QRICH1: variants seen among roughly 807,000 people sequenced by gnomAD.
QRICH1 encodes the protein glutamine rich 1.
Under a neutral mutation model 87.1 loss-of-function variants are expected in QRICH1, and 16 were observed. The ratio of observed to expected loss-of-function variants is 0.18; its 90% confidence interval spans 0.12 to 0.28. The LOEUF (loss-of-function observed/expected upper bound fraction) is 0.28. Ranked by LOEUF, QRICH1 falls within the 10% of genes least tolerant of loss-of-function variation. The pLI, the probability that QRICH1 is intolerant of heterozygous loss-of-function variation, is 1.00. For synonymous variants in QRICH1, 367 were observed against 368.4 expected (o/e 1.00, Z 0.05); for missense variants, 647 against 951.7 (o/e 0.68, Z 4.21).
chr3:49,030,162 C>T lies in QRICH1; in HGVS notation c.*290G>A. 2.0e-6 allele frequency: 1 copy of T among 500,958 alleles called. No individual in the cohort carries two copies. Among genetic ancestry groups the T allele is most frequent in the Non-Finnish European group, 3.5e-6 (1 of 286,120 alleles). The allele number at this position is 500,958 out of a possible 1,614,324, so 31.0% of individuals were successfully genotyped here. ...AGGGGCCACATTTCTTTTCACAGTCCAAGCCCTTTCCCCAGGCCCCAGACA... is the reference window on the plus strand; with the variant it reads ...AGGGGCCACATTTCTTTTCACAGTCTAAGCCCTTTCCCCAGGCCCCAGACA... On this transcript the variant is annotated 3_prime_UTR_variant, in exon 10 of 10. Coordinates refer to ENST00000395443, the MANE Select transcript of QRICH1 (RefSeq NM_198880.3).
At chr3:49,082,711 C>T (rs1231235110) in intron 1 of QRICH1, among the ~76,000 whole-genome samples, 2 of 150,694 alleles carry the variant, frequency 1.3e-5, no homozygotes, top group Non-Finnish European at 3.0e-5. Context: ...CTGGCTAACA[C>T]GGTGAAACCC....
chr3:49,048,130 CTTTT>C (rs34861445), intron 3 of QRICH1, among the ~76,000 whole-genome samples: 5 of 142,104 alleles, frequency 3.5e-5, no homozygotes, highest in Non-Finnish European at 6.1e-5. Context: ...TTCTTTCTTT[CTTTT>C]TTTTTTTTTT....
chr3:49,074,898 G>C (rs1486984321), intron 2 of QRICH1, among the ~76,000 whole-genome samples: 1 of 152,010 alleles, frequency 6.6e-6, no homozygotes, highest in African/African-American at 2.4e-5. Flanking sequence ...AGAATGGCGT[G>C]AACCTGGGAG....
At chr3:49,051,989 T>C (rs557204325) in intron 3 of QRICH1, among the ~76,000 whole-genome samples, 210 of 152,230 alleles carry the variant, frequency 1.4e-3, no homozygotes, top group African/African-American at 4.9e-3. Context: ...TACATTGTGG[T>C]GTAAATTTGT....
In QRICH1 at chr3:49,033,239, T is replaced by C. The variant is rs766262466; in HGVS notation, c.1787-11A>G. 5 of 1,500,032 alleles carry C rather than the reference T, an allele frequency of 3.3e-6. No homozygotes were observed. Among genetic ancestry groups the C allele is most frequent in the African/African-American group, 1.4e-5 (1 of 70,658 alleles). 92.9% of individuals were successfully genotyped at this position (1,500,032 alleles called of 1,614,324 possible). A position where few individuals can be genotyped will look rare whatever the true frequency, so the allele number is the denominator to read the frequency against. ...TGGGCAAGACATAGCCTAGGAGGAA[T>C]AGAGTACTGTCACAACAAGAGGATG... is the stretch of plus-strand genomic sequence containing the variant. On this transcript the variant is annotated splice_polypyrimidine_tract_variant and intron_variant, in intron 6 of 9. Coordinates refer to ENST00000395443, the MANE Select transcript of QRICH1 (RefSeq NM_198880.3).
At chr3:49,077,422 G>A (rs1428568471) in intron 1 of QRICH1, among the ~76,000 whole-genome samples, 1 of 152,166 alleles carries the variant, frequency 6.6e-6, no homozygotes. Flanking sequence ...AAGCAAGGAG[G>A]AAGCTAGGGG....
At position 49,046,926 on chromosome 3, in the gene QRICH1, T is replaced by C. The variant is rs1243338844; in HGVS notation, c.1516+143A>G. The C allele has an allele frequency of 5.9e-6, 6 of 1,023,808 alleles. No homozygotes were observed. The Admixed American group carries it at 1.2e-4, about 21-fold the overall frequency. The allele number at this position is 1,023,808 out of a possible 1,614,324, so 63.4% of individuals were successfully genotyped here. ...ACACAAGGTCAGTACTGCTTGTTAC[T>C]AGGCTTGAATTCAACATACTATTAC... On this transcript the variant is annotated intron_variant, in intron 4 of 9. Coordinates refer to ENST00000395443, the MANE Select transcript of QRICH1 (RefSeq NM_198880.3).
At chr3:49,091,690 A>G (rs965358392) in intron 1 of QRICH1, among the ~76,000 whole-genome samples, 2 of 152,226 alleles carry the variant, frequency 1.3e-5, no homozygotes, top group African/African-American at 4.8e-5. Context: ...CTTGGAGAAA[A>G]AGTATTTATA....
At position 49,030,535 on chromosome 3, in the gene QRICH1, T is replaced by C. The variant is rs780388648; in HGVS notation, c.2248A>G (p.Met750Val). The C allele has an allele frequency of 1.2e-5, 20 of 1,614,006 alleles. No individual in the cohort carries two copies. The highest frequency in any genetic ancestry group is 1.7e-5 in the Admixed American group (1 of 59,992). ...YSVQPISREQ[M>V]GQMLTRILVI... is the part of the protein sequence containing the mutation. ...AGGATCCGCGTCAGCATTTGTCCCA[T>C]CTGCTCTCTGCTGATAGGCTGGACT... Residue 750 changes from methionine to valine, a missense_variant, in exon 10 of 10, where the codon ATG becomes GTG. By Grantham distance (21) the Met-to-Val change is conservative. Transcript: ENST00000395443.
chr3:49,068,544 G>A (rs1167165155), intron 2 of QRICH1, among the ~76,000 whole-genome samples: 2 of 151,268 alleles, frequency 1.3e-5, no homozygotes, highest in Non-Finnish European at 2.9e-5. Context: ...AGGATCACTT[G>A]AGCCCAGGAA....
chr3:49,061,807 C>T (rs1408202867), intron 2 of QRICH1, among the ~76,000 whole-genome samples: 2 of 152,070 alleles, frequency 1.3e-5, no homozygotes, highest in Non-Finnish European at 1.5e-5. Context: ...GCCGAGATTG[C>T]ACCACTGCAC....
At chr3:49,080,370 T>A (rs1312572097) in intron 1 of QRICH1, among the ~76,000 whole-genome samples, 4 of 152,032 alleles carry the variant, frequency 2.6e-5, no homozygotes, top group African/African-American at 9.7e-5. Context: ...CGTTTTTACA[T>A]GCAGCAAAAA....
intron 6 of QRICH1, chr3:49,033,521 C>A (rs1360794912): frequency 6.8e-5 from 18 of 263,856 alleles, no homozygotes. Context: ...GGCAAAAAGA[C>A]TGCCCTCAGA....
intron 6 of QRICH1, among the ~76,000 whole-genome samples, chr3:49,039,673 C>T (rs1004054841): frequency 2.0e-5 from 3 of 147,422 alleles, no homozygotes; most frequent in African/African-American, 7.5e-5. Context: ...AATTTACTTC[C>T]AATACAGGAG....
chr3:49,078,508 C>T (rs1376867283), intron 1 of QRICH1, among the ~76,000 whole-genome samples: 1 of 143,750 alleles, frequency 7.0e-6, no homozygotes, highest in Non-Finnish European at 1.5e-5. Context: ...CATTCTCCTG[C>T]CTCAGCCTCC....
chr3:49,030,389 T>A lies in QRICH1; in HGVS notation c.*63A>T, dbSNP rs1442911252. 3 of 1,510,404 alleles carry A rather than the reference T, an allele frequency of 2.0e-6. No homozygotes were observed. Among genetic ancestry groups the A allele is most frequent in the Non-Finnish European group, 2.7e-6 (3 of 1,105,254 alleles). 93.6% of individuals were successfully genotyped at this position (1,510,404 alleles called of 1,614,324 possible). On this transcript the variant is annotated 3_prime_UTR_variant, in exon 10 of 10. Coordinates refer to ENST00000395443, the MANE Select transcript of QRICH1 (RefSeq NM_198880.3). ...GAAAAAAAAAAATGGAGGCCTCTTC[T>A]TTAGTGTGAAAGTCTGTCTGGTTTT... is the stretch of plus-strand genomic sequence containing the variant.
intron 1 of QRICH1, among the ~76,000 whole-genome samples, chr3:49,077,472 C>G (rs2041972520): frequency 6.6e-6 from 1 of 152,152 alleles, no homozygotes; most frequent in South Asian, 2.1e-4. Flanking sequence ...CAAGTATTTC[C>G]TACAGCAGAG....
chr3:49,035,924 A>C (rs1349407615), intron 6 of QRICH1, among the ~76,000 whole-genome samples: 3 of 151,552 alleles, frequency 2.0e-5, no homozygotes, highest in Non-Finnish European at 2.9e-5. Flanking sequence ...AAAAAAAAAA[A>C]AAAACAAAAA....
At chr3:49,075,327 C>T (rs2041929354) in intron 2 of QRICH1, among the ~76,000 whole-genome samples, 1 of 146,850 alleles carries the variant, frequency 6.8e-6, no homozygotes, top group African/African-American at 2.5e-5. Context: ...AGACCCTGTC[C>T]CTCAAAAAAA....
Sources: gnomAD v4.1 joint callset for allele counts (sites outside exome capture counted in the v4.1 genomes callset) on GRCh38, gnomAD v4.1.1 for gene constraint, MANE v1.5 for transcripts, NCBI Gene and HGNC (gene_info 2026-07-23, HGNC 2026-07-21) for gene names.